WDR59: variants seen among roughly 807,000 people sequenced by gnomAD.
WDR59 encodes WD repeat domain 59.
Under a neutral mutation model 131.2 loss-of-function variants are expected in WDR59, and 100 were observed. The ratio of observed to expected loss-of-function variants is 0.76; its 90% confidence interval spans 0.65 to 0.90. The LOEUF (loss-of-function observed/expected upper bound fraction) is 0.90. WDR59 is among the 40% of genes least tolerant of loss of function. The pLI, the probability that WDR59 is intolerant of heterozygous loss-of-function variation, is 0.00. For missense variants in WDR59, 1,203 were observed against 1,262.2 expected (o/e 0.95, Z 0.71); for synonymous variants, 601 against 466.2 (o/e 1.29, Z -3.72).
At chr16:74,966,973 C>G (rs1026650190) in intron 1 of WDR59, among the ~76,000 whole-genome samples, 1 of 152,208 alleles carries the variant, frequency 6.6e-6, no homozygotes, top group Non-Finnish European at 1.5e-5. Context: ...CTGCTGCACT[C>G]TCATGCCAGT....
At chr16:74,966,946 T>C (rs1043102800) in intron 1 of WDR59, among the ~76,000 whole-genome samples, 3 of 152,216 alleles carry the variant, frequency 2.0e-5, no homozygotes, top group African/African-American at 4.8e-5. Flanking sequence ...CTGAATTTCT[T>C]TGGACAAGTT....
intron 1 of WDR59, chr16:74,984,520 A>C: frequency 4.9e-6 from 1 of 202,646 alleles, no homozygotes; most frequent in Non-Finnish European, 1.0e-5. Flanking sequence ...TGCAACAGGC[A>C]CTTTGCAAAC....
chr16:74,966,569 A>T (rs534915776), intron 1 of WDR59, among the ~76,000 whole-genome samples: 1 of 152,132 alleles, frequency 6.6e-6, no homozygotes, highest in African/African-American at 2.4e-5. Context: ...AGCAGCTACT[A>T]TGAACAAAGA....
chr16:74,874,462 C>G lies in WDR59; in HGVS notation c.2690-18G>C, dbSNP rs190908353. 1.9e-6 allele frequency: 3 copies of G among 1,610,830 alleles called. No individual in the cohort carries two copies. The highest frequency in any genetic ancestry group is 2.2e-5 in the South Asian group (2 of 90,886). ...GCCGAACTCTGGAAATGGGCAGGGA[C>G]GGGCAAAACAAGAGGCAGCATGAGT... On this transcript the variant is annotated intron_variant, in intron 25 of 25. Transcript: ENST00000262144.
At chr16:74,974,769 T>C (rs2034120962) in intron 1 of WDR59, among the ~76,000 whole-genome samples, 1 of 152,214 alleles carries the variant, frequency 6.6e-6, no homozygotes. Flanking sequence ...TTGTGGGTAC[T>C]GAGTCCCTAA....
chr16:74,922,089 T>C lies in WDR59; in HGVS notation c.744A>G (p.Gly248=), dbSNP rs761528695. The part of the protein sequence containing the change: ...WKARYTPFSN[G]LVTVMVPQLR... ...GCTGGGGAACCATCACAGTCACCAA[T>C]CCATTGCTGAAAGGCTAAGGCAGGG... Residue 248 remains glycine (G), a synonymous_variant, in exon 10 of 26, where the codon GGA becomes GGG. Transcript: ENST00000262144. 2 of 1,614,042 alleles carry C rather than the reference T, an allele frequency of 1.2e-6. No homozygotes were observed. The highest frequency in any genetic ancestry group is 1.1e-5 in the South Asian group (1 of 91,058).
At chr16:74,900,025 C>T (rs1490323689) in intron 18 of WDR59, among the ~76,000 whole-genome samples, 1 of 152,148 alleles carries the variant, frequency 6.6e-6, no homozygotes, top group African/African-American at 2.4e-5. Flanking sequence ...TATATGGAGG[C>T]TGACATCAAC....
chr16:74,900,618 G>C (rs1401116319), intron 18 of WDR59, among the ~76,000 whole-genome samples: 1 of 152,186 alleles, frequency 6.6e-6, no homozygotes, highest in East Asian at 1.9e-4. Flanking sequence ...CGGTTCACTT[G>C]TCAAATGAAT....
intron 6 of WDR59, among the ~76,000 whole-genome samples, chr16:74,944,195 G>A (rs1043816950): frequency 1.3e-5 from 2 of 152,120 alleles, no homozygotes; most frequent in Non-Finnish European, 2.9e-5. Context: ...GCCAGGCGCA[G>A]TGGCTTGCAC....
At chr16:74,984,203 G>C (rs943937121) in intron 1 of WDR59, among the ~76,000 whole-genome samples, 1 of 152,116 alleles carries the variant, frequency 6.6e-6, no homozygotes, top group Non-Finnish European at 1.5e-5. Context: ...CTTGAATCCC[G>C]GAGGCGGAGG....
At chr16:74,875,059 C>T (rs1040160476) in intron 25 of WDR59, among the ~76,000 whole-genome samples, 2 of 152,202 alleles carry the variant, frequency 1.3e-5, no homozygotes, top group African/African-American at 2.4e-5. Context: ...GGGCCTGGCA[C>T]GCAGGAGGTG....
intron 1 of WDR59, among the ~76,000 whole-genome samples, chr16:74,977,296 A>G (rs2034225272): frequency 6.6e-6 from 1 of 152,158 alleles, no homozygotes; most frequent in African/African-American, 2.4e-5. Flanking sequence ...AAAAAGAATG[A>G]AAAGGCAAGC....
intron 14 of WDR59, among the ~76,000 whole-genome samples, chr16:74,911,191 G>C (rs1162362539): frequency 6.6e-6 from 1 of 152,046 alleles, no homozygotes; most frequent in Non-Finnish European, 1.5e-5. Context: ...ACACAAAAGA[G>C]TTCGCAACCT....
At position 74,958,592 on chromosome 16, in the gene WDR59, C is replaced by CAA. The variant is rs747175030; in HGVS notation, c.105-1984_105-1983dup. 2.8e-3 allele frequency among the ~76,000 whole-genome samples: 37 copies of CAA among 13,236 alleles called. 9 individuals carry two copies. The highest frequency in any genetic ancestry group is 4.8e-3 in the Non-Finnish European group (32 of 6,734). The allele number at this position is 13,236 out of a possible 152,430, so 8.7% of individuals were successfully genotyped here. A position where few individuals can be genotyped will look rare whatever the true frequency, so the allele number is the denominator to read the frequency against. On this transcript the variant is annotated intron_variant, in intron 2 of 25. Transcript: ENST00000262144. ...TGGGGGACAGGCTGAGACTCCATCT[C>CAA]AAAAAAAAAAAAAAAAAAAAAAAAA...
intron 10 of WDR59, among the ~76,000 whole-genome samples, chr16:74,919,162 T>C (rs1241156824): frequency 6.6e-6 from 1 of 152,100 alleles, no homozygotes; most frequent in African/African-American, 2.4e-5. Context: ...CCCTTGTATC[T>C]TCTCCCTGCC....
At chr16:74,961,584 A>T (rs12597908) in intron 2 of WDR59, among the ~76,000 whole-genome samples, 1 of 151,978 alleles carries the variant, frequency 6.6e-6, no homozygotes, top group East Asian at 1.9e-4. Context: ...GGCTGCATAA[A>T]TGTCTTCTTT....
chr16:74,948,385 G>T, intron 6 of WDR59, 134 bp downstream of exon 6: 1 of 848,172 alleles, frequency 1.2e-6, no homozygotes, highest in Non-Finnish European at 1.9e-6. Flanking sequence ...ATTCCACTCA[G>T]CCACGGCGCA....
intron 2 of WDR59, 36 bp from the exon 3 acceptor site, chr16:74,956,646 A>T: frequency 1.2e-6 from 2 of 1,601,308 alleles, no homozygotes; most frequent in Non-Finnish European, 1.7e-6. Flanking sequence ...TAGTATAAAA[A>T]CACAACATCA....
intron 8 of WDR59, among the ~76,000 whole-genome samples, chr16:74,931,795 G>T (rs9788894): frequency 6.6e-6 from 1 of 151,794 alleles, no homozygotes; most frequent in Non-Finnish European, 1.5e-5. Flanking sequence ...GATCGTTTGA[G>T]CCCAGGAGGC....
Sources: gnomAD v4.1 joint callset for allele counts (sites outside exome capture counted in the v4.1 genomes callset) on GRCh38, gnomAD v4.1.1 for gene constraint, MANE v1.5 for transcripts, NCBI Gene and HGNC (gene_info 2026-07-23, HGNC 2026-07-21) for gene names.